COL11A1: variants seen among roughly 807,000 people sequenced by gnomAD.
COL11A1 encodes the protein collagen type XI alpha 1 chain.
COL11A1 carries 74 observed loss-of-function variants against 265.2 expected under a neutral mutation model. The observed-to-expected ratio is 0.28, with a 90% CI of 0.23 to 0.34. The LOEUF (loss-of-function observed/expected upper bound fraction) is 0.34. Among genes scored for constraint, COL11A1 ranks in the 10% least tolerant of loss-of-function variants. The pLI is 1.00. For missense variants in COL11A1, 2,165 were observed against 2,263.6 expected (o/e 0.96, Z 0.88); for synonymous variants, 816 against 727.6 (o/e 1.12, Z -1.96).
intron 7 of COL11A1, 29 bp from the exon 8 acceptor site, chr1:103,023,025 G>GA (rs1337094845): frequency 1.2e-6 from 2 of 1,602,722 alleles, no homozygotes; most frequent in African/African-American, 2.7e-5. Context: ...AGGAATTGAG[G>GA]AACATGAAGT....
At chr1:102,995,787 A>C (rs1209769928) in intron 28 of COL11A1, 77 bp downstream of exon 28, 1 of 1,244,342 alleles carries the variant, frequency 8.0e-7, no homozygotes, top group East Asian at 2.4e-5. Context: ...TATTCAAGAA[A>C]TAAAATGTCT....
intron 53 of COL11A1, among the ~76,000 whole-genome samples, chr1:102,912,528 A>G (rs1424138545): frequency 6.6e-6 from 1 of 152,230 alleles, no homozygotes; most frequent in Non-Finnish European, 1.5e-5. Flanking sequence ...TAATATAATC[A>G]TATGGTTAAT....
chr1:102,882,332 G>A (rs1650361146), intron 64 of COL11A1, among the ~76,000 whole-genome samples: 1 of 152,078 alleles, frequency 6.6e-6, no homozygotes, highest in Admixed American at 6.6e-5. Flanking sequence ...TTCACAATAG[G>A]GAACTCGAGT....
In COL11A1 at chr1:102,946,895, G is replaced by T; in HGVS notation, c.3230C>A (p.Pro1077Gln). Residue 1077 changes from proline to glutamine, a missense_variant, in exon 42 of 67, where the codon CCG (proline) becomes CAG (glutamine). Coordinates refer to ENST00000370096, the MANE Select transcript of COL11A1 (RefSeq NM_001854.4). ...TGGACCAGGAGGACCCTGAGGTCCC[G>T]GGCGCCCTGGTAAACCAATTGGGCC... ...TAGPIGLPGR[P>Q]GPQGPPGPAG... is the part of the protein sequence containing the mutation. The T allele has an allele frequency of 6.2e-7, 1 of 1,613,554 alleles. No homozygotes were observed.
chr1:102,961,988 G>C lies in COL11A1; in HGVS notation c.3115-69C>G. On this transcript the variant is annotated intron_variant, in intron 40 of 66. Transcript: ENST00000370096. ...TGAATACCAATAGGAGGAGATATCT[G>C]ATTAGTAAAATAAGGATGTCAGGTA... 2.8e-6 allele frequency: 4 copies of C among 1,403,904 alleles called. 1 individual carries two copies. The South Asian group carries it at 4.8e-5, about 17-fold the overall frequency. The allele number at this position is 1,403,904 out of a possible 1,614,324, so 87.0% of individuals were successfully genotyped here. A position where few individuals can be genotyped will look rare whatever the true frequency, so the allele number is the denominator to read the frequency against.
chr1:103,087,272 C>T (rs1288074133), intron 1 of COL11A1, among the ~76,000 whole-genome samples: 1 of 152,128 alleles, frequency 6.6e-6, no homozygotes, highest in East Asian at 1.9e-4. Context: ...TTATTGAATA[C>T]CTATAGGTTT....
chr1:103,031,706 T>A (rs1371028718), intron 4 of COL11A1, among the ~76,000 whole-genome samples: 1 of 151,898 alleles, frequency 6.6e-6, no homozygotes, highest in African/African-American at 2.4e-5. Context: ...ATTTTTAGAG[T>A]AAATATATAG....
chr1:102,910,328 A>G (rs1041413437), intron 54 of COL11A1, among the ~76,000 whole-genome samples: 1 of 152,078 alleles, frequency 6.6e-6, no homozygotes, highest in Non-Finnish European at 1.5e-5. Context: ...AAGATACTTC[A>G]TCTCAAATAT....
At chr1:102,931,931 T>C (rs913377110) in intron 46 of COL11A1, among the ~76,000 whole-genome samples, 30 of 151,416 alleles carry the variant, frequency 2.0e-4, no homozygotes, top group Non-Finnish European at 4.3e-4. Flanking sequence ...CTTTTTTTGT[T>C]TTCCATTTGC....
chr1:103,100,269 C>G (rs940635101), intron 1 of COL11A1: 9 of 151,896 alleles, frequency 5.9e-5, no homozygotes, highest in African/African-American at 2.2e-4. Flanking sequence ...GTCCTGATGA[C>G]CTTTATAATG....
intron 30 of COL11A1, among the ~76,000 whole-genome samples, chr1:102,985,252 TA>T (rs1249037792): frequency 6.6e-6 from 1 of 152,024 alleles, no homozygotes; most frequent in Non-Finnish European, 1.5e-5. Context: ...TGTGCATTGA[TA>T]AAAGATGAAC....
At chr1:103,003,291 G>C (rs776661194) in intron 20 of COL11A1, 23 bp from the exon 21 acceptor site, 3 of 1,605,304 alleles carry the variant, frequency 1.9e-6, no homozygotes, top group Non-Finnish European at 2.6e-6. Flanking sequence ...GAAAAAGCAC[G>C]CCTTTATTAA....
At chr1:103,076,126 A>C (rs1671954931) in intron 3 of COL11A1, among the ~76,000 whole-genome samples, 2 of 152,178 alleles carry the variant, frequency 1.3e-5, no homozygotes, top group African/African-American at 4.8e-5. Flanking sequence ...TGTCATAATC[A>C]TGGTGTCATA....
intron 4 of COL11A1, among the ~76,000 whole-genome samples, chr1:103,032,028 G>C (rs910898506): frequency 6.6e-6 from 1 of 151,998 alleles, no homozygotes; most frequent in African/African-American, 2.4e-5. Flanking sequence ...TGCTCTTGAT[G>C]TAATGTGGCT....
At chr1:102,971,531 GTTAA>G (rs1455715455) in intron 36 of COL11A1, among the ~76,000 whole-genome samples, 2 of 152,082 alleles carry the variant, frequency 1.3e-5, no homozygotes, top group Non-Finnish European at 2.9e-5. Flanking sequence ...CTCATTGTAT[GTTAA>G]TTATTTAAAT....
chr1:102,968,400 C>G (rs189279991), intron 37 of COL11A1, among the ~76,000 whole-genome samples: 1 of 152,048 alleles, frequency 6.6e-6, no homozygotes, highest in East Asian at 1.9e-4. Flanking sequence ...ATAATAGAAA[C>G]CATTTCTGAA....
At chr1:103,012,102 TA>T (rs1212456016) in intron 14 of COL11A1, among the ~76,000 whole-genome samples, 4 of 152,220 alleles carry the variant, frequency 2.6e-5, no homozygotes, top group African/African-American at 4.8e-5. Context: ...GGATTTAATG[TA>T]AAACATAATT....
chr1:103,025,127 G>A (rs1430735914), intron 7 of COL11A1, among the ~76,000 whole-genome samples: 2 of 152,032 alleles, frequency 1.3e-5, no homozygotes, highest in African/African-American at 4.8e-5. Flanking sequence ...TTCATCAGAG[G>A]GAGTAAAATT....
Position 102,898,766 on chromosome 1 carries a change from G to A in COL11A1, c.4148C>T (p.Ala1383Val). Residue 1383 changes from alanine (A) to valine (V), a missense_variant, in exon 56 of 67, where the codon GCA becomes GTA. Transcript: ENST00000370096. ...RQGEKGAKGE[A>V]GAEGPPGKTG... ...TTTTCCAGGAGGACCTTCTGCACCT[G>A]CTTCCCCCTGTTAGAAAGTAAAATA... 5 of 1,612,590 alleles carry A rather than the reference G, an allele frequency of 3.1e-6. No individual in the cohort carries two copies. Among genetic ancestry groups the A allele is most frequent in the Non-Finnish European group, 4.2e-6 (5 of 1,179,206 alleles).
Sources: gnomAD v4.1 joint callset for allele counts (sites outside exome capture counted in the v4.1 genomes callset) on GRCh38, gnomAD v4.1.1 for gene constraint, MANE v1.5 for transcripts, NCBI Gene and HGNC (gene_info 2026-07-23, HGNC 2026-07-21) for gene names.